Variants in LRRC74A observed in about 807,000 individuals in gnomAD.
The protein encoded by LRRC74A is leucine rich repeat containing 74A.
LRRC74A carries 44 observed loss-of-function variants against 57.9 expected under a neutral mutation model. The observed-to-expected ratio is 0.76, with a 90% CI of 0.60 to 0.98. The LOEUF (loss-of-function observed/expected upper bound fraction) is 0.98, where lower values mean the gene tolerates loss of function less well. Ranked by LOEUF, LRRC74A falls within the 50% of genes least tolerant of loss-of-function variation. The probability of loss-of-function intolerance (pLI) is 0.00; values close to 1 mark genes in which losing one functional copy is unlikely to be tolerated. For synonymous variants in LRRC74A, 211 were observed against 219.4 expected, an observed-to-expected ratio of 0.96 and a Z score of 0.34; for missense variants, 572 against 574.0, an observed-to-expected ratio of 1.00 and a Z score of 0.04.
rs1251485946 is a variant in LRRC74A at position 76,852,442 on chromosome 14, G to A, written c.754G>A (p.Gly252Ser). 1.9e-6 allele frequency: 3 copies of A among 1,605,290 alleles called. No homozygotes were observed. Among genetic ancestry groups the A allele is most frequent in the Non-Finnish European group, 2.6e-6 (3 of 1,173,916 alleles). ...HTRGAVALCN[G>S]LRGNVTLTKL... ...AAGGGGAGCTGTGGCCTTGTGCAATGGTCTCCGGGTAAGGCACTCTCCAGG... is the reference window on the plus strand; with the variant it reads ...AAGGGGAGCTGTGGCCTTGTGCAATAGTCTCCGGGTAAGGCACTCTCCAGG... Residue 252 changes from glycine (G) to serine (S), a missense_variant, in exon 8 of 14, where the codon GGT (glycine) becomes AGT (serine). Gly to Ser is a moderately conservative substitution (Grantham distance 56, BLOSUM62 0). Transcript: ENST00000689127.
intron 11 of LRRC74A, among the ~76,000 whole-genome samples, 183 bp from the exon 12 acceptor site, chr14:76,865,785 C>T (rs1376711401): frequency 1.3e-5 from 2 of 152,192 alleles, no homozygotes; most frequent in African/African-American, 4.8e-5. Flanking sequence ...GGTCTGCACT[C>T]GGCTCTTGGT....
At chr14:76,839,879 C>A (rs564538229) in intron 5 of LRRC74A, among the ~76,000 whole-genome samples, 3 of 151,690 alleles carry the variant, frequency 2.0e-5, no homozygotes, top group Non-Finnish European at 4.4e-5. Flanking sequence ...TATAGGTGCC[C>A]GCCACCACAC....
Position 76,828,888 on chromosome 14 carries a change from C to T in LRRC74A, c.166+469C>T, listed in dbSNP as rs576465533. On this transcript the variant is annotated intron_variant, in intron 2 of 13. Transcript: ENST00000689127. ...TGTTTGACTCACTCTGATGGTTCTG[C>T]CTTCTGTATTCCATATCCCAGGCCC... 47 of 643,784 alleles carry T rather than the reference C, an allele frequency of 7.3e-5. No homozygotes were observed. The East Asian group carries it at 2.9e-3, about 40-fold the overall frequency. 39.9% of individuals were successfully genotyped at this position (643,784 alleles called of 1,614,324 possible).
At chr14:76,849,908 TA>T (rs1043203352) in intron 7 of LRRC74A, among the ~76,000 whole-genome samples, 2 of 151,610 alleles carry the variant, frequency 1.3e-5, no homozygotes, top group African/African-American at 2.4e-5. Context: ...AATCCTCATT[TA>T]AAAAAAACTC....
intron 6 of LRRC74A, 94 bp from the exon 7 acceptor site, chr14:76,844,726 A>C: frequency 1.3e-6 from 1 of 759,884 alleles, no homozygotes; most frequent in Non-Finnish European, 2.2e-6. Context: ...TTTTTGGTAC[A>C]TCAGAGCCCC....
At chr14:76,866,333 G>T (rs1484217209) in intron 12 of LRRC74A, among the ~76,000 whole-genome samples, 1 of 152,184 alleles carries the variant, frequency 6.6e-6, no homozygotes, top group Non-Finnish European at 1.5e-5. Context: ...AGAGACACAT[G>T]TTCTATCTTG....
At chr14:76,831,567 G>T (rs926555408) in intron 3 of LRRC74A, among the ~76,000 whole-genome samples, 192 bp downstream of exon 3, 26 of 152,100 alleles carry the variant, frequency 1.7e-4, no homozygotes, top group African/African-American at 6.3e-4. Context: ...CTAGCAACCT[G>T]GGCCTTGGAA....
At chr14:76,867,267 T>TGTTG in intron 12 of LRRC74A, 89 bp from the exon 13 acceptor site, 1 of 329,254 alleles carries the variant, frequency 3.0e-6, no homozygotes, top group Admixed American at 3.9e-5. Flanking sequence ...GGGGTGTGTG[T>TGTTG]GTTGGGGGGG....
At chr14:76,850,844 C>CAAAAAAAAAA (rs36208311) in intron 7 of LRRC74A, among the ~76,000 whole-genome samples, 3 of 130,842 alleles carry the variant, frequency 2.3e-5, no homozygotes, top group Non-Finnish European at 1.6e-5. Context: ...AACTCTGTCT[C>CAAAAAAAAAA]AAAAAAAAAA....
intron 5 of LRRC74A, among the ~76,000 whole-genome samples, chr14:76,839,370 T>C (rs1264120087): frequency 6.6e-6 from 1 of 152,234 alleles, no homozygotes; most frequent in Non-Finnish European, 1.5e-5. Context: ...TCAAAATGGT[T>C]AAGCATGTGG....
intron 9 of LRRC74A, among the ~76,000 whole-genome samples, chr14:76,855,512 A>T (rs1267604899): frequency 1.3e-5 from 2 of 152,232 alleles, no homozygotes; most frequent in Non-Finnish European, 2.9e-5. Flanking sequence ...GAAGTAAAAG[A>T]GAAAAGTTTA....
rs115673338 is a variant in LRRC74A at position 76,843,964 on chromosome 14, G to C, written c.545-459G>C. ...GATCCACTCGCCTTGGCCTGTAAAA[G>C]TTCTGGGATTATAGGCATGAGCCAC... On this transcript the variant is annotated intron_variant, in intron 5 of 13. Transcript: ENST00000689127. Among the ~76,000 whole-genome samples, 1,514 of 151,416 alleles carry C rather than the reference G, an allele frequency of 1.0e-2. 26 individuals are homozygous for C. Among genetic ancestry groups the C allele is most frequent in the African/African-American group, 0.035 (1,441 of 41,188 alleles).
intron 12 of LRRC74A, 120 bp downstream of exon 12, chr14:76,866,195 T>C: frequency 1.3e-6 from 1 of 755,912 alleles, no homozygotes; most frequent in African/African-American, 1.7e-5. Flanking sequence ...TAGAGCTTCC[T>C]GGGACAGGCT....
chr14:76,840,584 C>CTTTT (rs34388699), intron 5 of LRRC74A, among the ~76,000 whole-genome samples: 7 of 130,070 alleles, frequency 5.4e-5, no homozygotes, highest in Admixed American at 7.9e-5. Flanking sequence ...TTATGTATTT[C>CTTTT]TTTTTTTTTT....
At chr14:76,868,232 A>G (rs1294801663) in intron 13 of LRRC74A, among the ~76,000 whole-genome samples, 2 of 152,076 alleles carry the variant, frequency 1.3e-5, no homozygotes, top group Non-Finnish European at 2.9e-5. Context: ...GGAGGCTGAA[A>G]CAGGAGGATC....
chr14:76,831,761 T>C (rs978053037), intron 3 of LRRC74A, among the ~76,000 whole-genome samples: 1 of 152,134 alleles, frequency 6.6e-6, no homozygotes, highest in African/African-American at 2.4e-5. Context: ...TTGCTGTAAA[T>C]GGGTTTACTA....
intron 13 of LRRC74A, 137 bp from the exon 14 acceptor site, chr14:76,869,988 G>C: frequency 1.2e-6 from 1 of 825,710 alleles, no homozygotes; most frequent in Non-Finnish European, 2.0e-6. Context: ...AGATATAATG[G>C]TTAACAGCAT....
chr14:76,861,682 T>C (rs576514359), intron 11 of LRRC74A, among the ~76,000 whole-genome samples: 1 of 152,338 alleles, frequency 6.6e-6, no homozygotes, highest in African/African-American at 2.4e-5. Flanking sequence ...CCGAAAGGGA[T>C]GTTATTGCTC....
intron 12 of LRRC74A, among the ~76,000 whole-genome samples, chr14:76,866,708 G>A (rs530700504): frequency 5.9e-5 from 9 of 152,008 alleles, no homozygotes; most frequent in Admixed American, 5.9e-4. Context: ...ATGCAAAGGA[G>A]AGTCCTGTTC....
Sources: gnomAD v4.1 joint callset for allele counts (sites outside exome capture counted in the v4.1 genomes callset) on GRCh38, gnomAD v4.1.1 for gene constraint, MANE v1.5 for transcripts, NCBI Gene and HGNC (gene_info 2026-07-23, HGNC 2026-07-21) for gene names.